Variants in PID1 observed in about 807,000 individuals in gnomAD.
The protein encoded by PID1 is PTB-containing, cubilin and LRP1-interacting protein.
A neutral mutation model predicts 19.1 loss-of-function variants in PID1; 10 were observed. The ratio of observed to expected loss-of-function variants is 0.52; its 90% CI spans 0.32 to 0.89. The LOEUF (loss-of-function observed/expected upper bound fraction) is 0.89, where lower values mean the gene tolerates loss of function less well. Ranked by LOEUF, PID1 falls within the 40% of genes least tolerant of loss-of-function variation. PID1 has a pLI of 0.03. For missense variants in PID1, 248 were observed against 285.3 expected, an observed-to-expected ratio of 0.87 and a Z score of 0.94; for synonymous variants, 130 against 116.0, an observed-to-expected ratio of 1.12 and a Z score of -0.78.
intron 2 of PID1, among the ~76,000 whole-genome samples, chr2:229,127,034 G>T (rs1294352103): frequency 6.6e-6 from 1 of 152,230 alleles, no homozygotes; most frequent in Non-Finnish European, 1.5e-5. Flanking sequence ...TGCCAGCGGG[G>T]AGAGAGAATA....
At chr2:229,252,476 C>A (rs1445734062) in intron 1 of PID1, among the ~76,000 whole-genome samples, 1 of 152,164 alleles carries the variant, frequency 6.6e-6, no homozygotes, top group Non-Finnish European at 1.5e-5. Flanking sequence ...AAATACATAT[C>A]TCATGGGCCA....
At chr2:229,251,215 A>G (rs1159403590) in intron 1 of PID1, among the ~76,000 whole-genome samples, 1 of 152,222 alleles carries the variant, frequency 6.6e-6, no homozygotes, top group Non-Finnish European at 1.5e-5. Flanking sequence ...TCAAATAAGT[A>G]TTTCTTTTAA....
chr2:229,216,906 G>A (rs1691860625), intron 1 of PID1, among the ~76,000 whole-genome samples: 2 of 152,174 alleles, frequency 1.3e-5, no homozygotes, highest in African/African-American at 2.4e-5. Context: ...AAAAAGCAAA[G>A]GAGAAGGAAG....
intron 2 of PID1, among the ~76,000 whole-genome samples, chr2:229,147,929 T>C (rs1387645152): frequency 6.6e-6 from 1 of 152,168 alleles, no homozygotes; most frequent in Admixed American, 6.5e-5. Flanking sequence ...AGTTGGAAGC[T>C]TTCAGGGATC....
intron 1 of PID1, among the ~76,000 whole-genome samples, chr2:229,225,940 C>T (rs978972842): frequency 1.2e-4 from 19 of 152,116 alleles, no homozygotes; most frequent in Admixed American, 3.3e-4. Flanking sequence ...GTGGGGATTA[C>T]GGGAACTACA....
At chr2:229,176,102 G>A (rs761064560) in intron 1 of PID1, among the ~76,000 whole-genome samples, 2 of 151,458 alleles carry the variant, frequency 1.3e-5, no homozygotes, top group African/African-American at 4.9e-5. Flanking sequence ...CATTCAACAC[G>A]CTCATGAAAT....
chr2:229,269,836 G>A (rs2106298498), intron 1 of PID1, among the ~76,000 whole-genome samples: 1 of 152,288 alleles, frequency 6.6e-6, no homozygotes, highest in South Asian at 2.1e-4. Context: ...CTGGTCTGGT[G>A]TCTCAGGCTC....
intron 1 of PID1, among the ~76,000 whole-genome samples, chr2:229,164,809 C>G (rs1046780467): frequency 6.6e-6 from 1 of 152,116 alleles, no homozygotes; most frequent in African/African-American, 2.4e-5. Flanking sequence ...CAGGGTGCAG[C>G]GGAATCCCTG....
At chr2:229,103,658 A>C (rs557250159) in intron 2 of PID1, among the ~76,000 whole-genome samples, 1 of 144,706 alleles carries the variant, frequency 6.9e-6, no homozygotes, top group South Asian at 2.2e-4. Flanking sequence ...GCTCACTGCA[A>C]CCTCCACCTC....
At chr2:229,054,730 G>A (rs1488336047) in intron 2 of PID1, among the ~76,000 whole-genome samples, 1 of 119,322 alleles carries the variant, frequency 8.4e-6, no homozygotes. Flanking sequence ...GGGGGGGGGG[G>A]GGGGTCTGGT....
chr2:229,195,650 T>C (rs1468326435), intron 1 of PID1, among the ~76,000 whole-genome samples: 1 of 151,896 alleles, frequency 6.6e-6, no homozygotes, highest in African/African-American at 2.4e-5. Flanking sequence ...AACTGCACAA[T>C]ACCTAGAACA....
chr2:229,119,834 C>T (rs1243767996), intron 2 of PID1, among the ~76,000 whole-genome samples: 3 of 152,130 alleles, frequency 2.0e-5, no homozygotes, highest in South Asian at 2.1e-4. Context: ...TCAGGCCTCA[C>T]GTAATCTGTT....
chr2:229,148,529 C>T (rs927138968), intron 2 of PID1, among the ~76,000 whole-genome samples: 9 of 152,204 alleles, frequency 5.9e-5, no homozygotes, highest in Middle Eastern at 3.4e-3. Flanking sequence ...GAGGAGATTC[C>T]TCCGGTTTTC....
chr2:229,114,114 TC>T (rs1695358547), intron 2 of PID1, among the ~76,000 whole-genome samples: 1 of 9,852 alleles, frequency 1.0e-4, no homozygotes, highest in Non-Finnish European at 2.1e-4. Context: ...TCTCTCTCTT[TC>T]TCTCTCTCTC....
chr2:229,217,281 G>A (rs1164007212), intron 1 of PID1, among the ~76,000 whole-genome samples: 1 of 152,216 alleles, frequency 6.6e-6, no homozygotes, highest in African/African-American at 2.4e-5. Flanking sequence ...TTATGCTGAT[G>A]AGGTTTATGG....
chr2:229,240,763 T>C (rs746503681), intron 1 of PID1, among the ~76,000 whole-genome samples: 3 of 152,174 alleles, frequency 2.0e-5, no homozygotes, highest in Non-Finnish European at 4.4e-5. Flanking sequence ...TCACCAAATT[T>C]GGGAAATTTT....
At chr2:229,206,888 T>G (rs1046700128) in intron 1 of PID1, among the ~76,000 whole-genome samples, 1 of 152,134 alleles carries the variant, frequency 6.6e-6, no homozygotes, top group Non-Finnish European at 1.5e-5. Flanking sequence ...ACCGAGGGAT[T>G]TTGTTAGAAT....
chr2:229,050,515 T>C (rs1005781311), intron 2 of PID1, among the ~76,000 whole-genome samples: 1 of 152,200 alleles, frequency 6.6e-6, no homozygotes, highest in African/African-American at 2.4e-5. Context: ...AAAGTCTTTC[T>C]TCCCAAATGT....
chr2:229,130,296 T>G (rs906637875), intron 2 of PID1, among the ~76,000 whole-genome samples: 1 of 152,118 alleles, frequency 6.6e-6, no homozygotes, highest in African/African-American at 2.4e-5. Context: ...AGGCAGAACT[T>G]TCACTGCAGA....
Sources: gnomAD v4.1 joint callset for allele counts (sites outside exome capture counted in the v4.1 genomes callset) on GRCh38, gnomAD v4.1.1 for gene constraint, MANE v1.5 for transcripts, NCBI Gene and HGNC (gene_info 2026-07-23, HGNC 2026-07-21) for gene names.